GREB1L: variants seen among roughly 807,000 people sequenced by gnomAD.
GREB1L encodes GREB1-like protein.
A neutral mutation model predicts 200.8 loss-of-function variants in GREB1L; 17 were observed. That is an observed-to-expected ratio of 0.08 (90% confidence interval 0.06 to 0.13). The LOEUF (loss-of-function observed/expected upper bound fraction) is 0.13, where lower values mean the gene tolerates loss of function less well. GREB1L is among the 10% of genes least tolerant of loss of function. The pLI is 1.00. For synonymous variants in GREB1L, 789 were observed against 893.0 expected (o/e 0.88, Z 2.08); for missense variants, 1,657 against 2,367.7 (o/e 0.70, Z 6.23).
At chr18:21,472,796 T>G (rs746532763) in intron 15 of GREB1L, among the ~76,000 whole-genome samples, 5 of 152,162 alleles carry the variant, frequency 3.3e-5, no homozygotes, top group Non-Finnish European at 7.4e-5. Context: ...ACCAGAATGT[T>G]CCCTGTATTT....
intron 23 of GREB1L, among the ~76,000 whole-genome samples, chr18:21,501,685 A>C (rs2036801308): frequency 6.6e-6 from 1 of 152,248 alleles, no homozygotes; most frequent in African/African-American, 2.4e-5. Context: ...GATCCAGGGC[A>C]TATTTGTATT....
intron 1 of GREB1L, among the ~76,000 whole-genome samples, chr18:21,244,120 G>A (rs2037556012): frequency 1.3e-5 from 2 of 152,288 alleles, no homozygotes. Context: ...TTACCTTGAA[G>A]ATCAGTTAGA....
chr18:21,435,727 G>GT (rs1260493934), intron 7 of GREB1L, among the ~76,000 whole-genome samples: 1 of 152,174 alleles, frequency 6.6e-6, no homozygotes, highest in African/African-American at 2.4e-5. Flanking sequence ...AGCTCAAAAA[G>GT]TGGCAAGAGG....
chr18:21,485,409 T>G, intron 17 of GREB1L: 1 of 436,552 alleles, frequency 2.3e-6, no homozygotes, highest in Non-Finnish European at 4.1e-6. Context: ...ACTAATCACA[T>G]ATTCAGTTCC....
chr18:21,299,691 GA>G (rs1413095525), intron 1 of GREB1L, among the ~76,000 whole-genome samples: 2 of 152,048 alleles, frequency 1.3e-5, no homozygotes, highest in East Asian at 3.9e-4. Flanking sequence ...GCAGTGTATT[GA>G]ACTTAAATGC....
intron 32 of GREB1L, among the ~76,000 whole-genome samples, chr18:21,521,394 G>C (rs984947926): frequency 6.6e-6 from 1 of 151,466 alleles, no homozygotes; most frequent in Non-Finnish European, 1.5e-5. Context: ...AAGAGAGACT[G>C]GCCTAAGAAC....
At chr18:21,318,122 A>C (rs1469386641) in intron 1 of GREB1L, among the ~76,000 whole-genome samples, 3 of 151,902 alleles carry the variant, frequency 2.0e-5, no homozygotes, top group Non-Finnish European at 2.9e-5. Flanking sequence ...AAAAAAAAAA[A>C]AAACAAAGAG....
At chr18:21,499,631 G>T (rs1331073806) in intron 21 of GREB1L, 98 bp from the exon 22 acceptor site, 7 of 810,484 alleles carry the variant, frequency 8.6e-6, no homozygotes, top group South Asian at 5.3e-5. Flanking sequence ...CCGCGGAGCC[G>T]AGCCCAGTGT....
intron 11 of GREB1L, among the ~76,000 whole-genome samples, chr18:21,448,987 G>A (rs1284734004): frequency 2.0e-5 from 3 of 152,096 alleles, no homozygotes; most frequent in Admixed American, 6.6e-5. Flanking sequence ...ATATCACTTG[G>A]GAGTGAAAAA....
At chr18:21,303,511 G>T (rs918352574) in intron 1 of GREB1L, among the ~76,000 whole-genome samples, 2 of 152,182 alleles carry the variant, frequency 1.3e-5, no homozygotes, top group Admixed American at 1.3e-4. Context: ...TGTCACTAAA[G>T]AATTGGTTAG....
intron 14 of GREB1L, among the ~76,000 whole-genome samples, chr18:21,452,661 T>C (rs1315179117): frequency 6.6e-6 from 1 of 152,176 alleles, no homozygotes; most frequent in Non-Finnish European, 1.5e-5. Context: ...TATTGGCAGA[T>C]AGAGCAGCGC....
intron 7 of GREB1L, among the ~76,000 whole-genome samples, chr18:21,410,954 T>TTAAGATAGA (rs1483434060): frequency 1.3e-5 from 2 of 151,864 alleles, no homozygotes; most frequent in Admixed American, 1.3e-4. Flanking sequence ...AGGCTCTATC[T>TTAAGATAGA]TAAGAAAAAC....
intron 1 of GREB1L, among the ~76,000 whole-genome samples, chr18:21,247,221 C>G (rs1388884386): frequency 6.6e-6 from 1 of 151,720 alleles, no homozygotes; most frequent in Non-Finnish European, 1.5e-5. Flanking sequence ...GTATTTGCCC[C>G]TACCACCCCA....
Position 21,525,599 on chromosome 18 carries a change from A to ACACT in GREB1L, c.*2783_*2786dup, listed in dbSNP as rs908907727. 2.6e-5 allele frequency among the ~76,000 whole-genome samples: 4 copies of ACACT among 152,202 alleles called. No individual in the cohort carries two copies. Among genetic ancestry groups the ACACT allele is most frequent in the Non-Finnish European group, 2.9e-5 (2 of 68,030 alleles). The stretch of plus-strand genomic sequence containing the variant: ...ATCTTTTATTTGACAGATTGCAACT[A>ACACT]CACTCACTTTGATGTCCTTCTGGAA... On this transcript the variant is annotated 3_prime_UTR_variant, in exon 33 of 33. Transcript: ENST00000424526.
At chr18:21,470,712 A>G (rs2035449094) in intron 15 of GREB1L, among the ~76,000 whole-genome samples, 1 of 152,208 alleles carries the variant, frequency 6.6e-6, no homozygotes, top group Non-Finnish European at 1.5e-5. Context: ...TATATATCTC[A>G]GGATATACAA....
At chr18:21,472,198 C>G (rs181790782) in intron 15 of GREB1L, among the ~76,000 whole-genome samples, 121 of 152,220 alleles carry the variant, frequency 7.9e-4, no homozygotes, top group African/African-American at 2.8e-3. Context: ...TGTAATTGTT[C>G]ACTGAGCTGC....
chr18:21,447,371 T>C (rs1242097324), intron 11 of GREB1L, among the ~76,000 whole-genome samples: 1 of 152,212 alleles, frequency 6.6e-6, no homozygotes, highest in Admixed American at 6.5e-5. Flanking sequence ...GGCATTTTAC[T>C]CTAAGAAGTC....
chr18:21,472,233 TA>T (rs1219410119), intron 15 of GREB1L, among the ~76,000 whole-genome samples: 1 of 152,204 alleles, frequency 6.6e-6, no homozygotes, highest in Non-Finnish European at 1.5e-5. Context: ...AAAAGACAGA[TA>T]AAATTAAGTC....
chr18:21,481,276 G>A (rs1959016676), intron 17 of GREB1L, among the ~76,000 whole-genome samples: 2 of 151,974 alleles, frequency 1.3e-5, no homozygotes, highest in Admixed American at 1.3e-4. Context: ...AGACAGTGTG[G>A]GCAGGGGACA....
Sources: gnomAD v4.1 joint callset for allele counts (sites outside exome capture counted in the v4.1 genomes callset) on GRCh38, gnomAD v4.1.1 for gene constraint, MANE v1.5 for transcripts, NCBI Gene and HGNC (gene_info 2026-07-23, HGNC 2026-07-21) for gene names.